MYO3B: variants seen among roughly 807,000 people sequenced by gnomAD.
MYO3B encodes myosin-IIIb.
In MYO3B, 156 loss-of-function variants were observed where a neutral mutation model predicts 174.6. The ratio of observed to expected loss-of-function variants is 0.89; its 90% confidence interval spans 0.78 to 1.02. The LOEUF is 1.02. MYO3B is among the 50% of genes least tolerant of loss of function. The pLI is 0.00. For missense variants in MYO3B, 1,632 were observed against 1,639.4 expected, an observed-to-expected ratio of 1.00 and a Z score of 0.08; for synonymous variants, 563 against 569.1, an observed-to-expected ratio of 0.99 and a Z score of 0.15.
At chr2:170,424,615 AAAG>A (rs993309309) in intron 22 of MYO3B, among the ~76,000 whole-genome samples, 1 of 152,216 alleles carries the variant, frequency 6.6e-6, no homozygotes, top group African/African-American at 2.4e-5. Flanking sequence ...CCTCAAAAAA[AAAG>A]AGAAAAAGAA....
chr2:170,435,801 CACCACTGGAACCCAGCTACAAGTCCTATA>C (rs2094749240), intron 22 of MYO3B, among the ~76,000 whole-genome samples: 1 of 152,210 alleles, frequency 6.6e-6, no homozygotes, highest in African/African-American at 2.4e-5. Flanking sequence ...CACCAACAAT[CACCACTGGAACCCAGCTACAAGTCCTATA>C]AACCCAGAGG....
chr2:170,494,727 C>CAAAAAA (rs3066990), intron 25 of MYO3B, among the ~76,000 whole-genome samples: 33 of 91,930 alleles, frequency 3.6e-4, no homozygotes, highest in Non-Finnish European at 5.2e-4. Context: ...AACTGCGTCT[C>CAAAAAA]AAAAAAAAAA....
intron 5 of MYO3B, among the ~76,000 whole-genome samples, chr2:170,215,459 T>A (rs1014740516): frequency 2.0e-5 from 3 of 152,190 alleles, no homozygotes; most frequent in African/African-American, 4.8e-5. Context: ...GTTTTTTTTT[T>A]AAGTTTATTG....
At chr2:170,243,583 G>A (rs974350947) in intron 7 of MYO3B, among the ~76,000 whole-genome samples, 20 of 152,174 alleles carry the variant, frequency 1.3e-4, no homozygotes, top group South Asian at 8.3e-4. Flanking sequence ...TTTGAGTAAT[G>A]TCGACCTCAT....
chr2:170,427,680 A>G (rs1033232380), intron 22 of MYO3B, among the ~76,000 whole-genome samples: 5 of 152,194 alleles, frequency 3.3e-5, no homozygotes, highest in Non-Finnish European at 7.4e-5. Context: ...TTAAGTTGCT[A>G]TAGTTTTTCC....
intron 6 of MYO3B, among the ~76,000 whole-genome samples, chr2:170,230,174 G>GTT (rs1175614525): frequency 3.1e-5 from 4 of 128,070 alleles, no homozygotes; most frequent in Non-Finnish European, 5.1e-5. Context: ...TTTTTTTTTT[G>GTT]TTTTTTTTTT....
At chr2:170,650,368 C>T (rs572810002) in intron 32 of MYO3B, among the ~76,000 whole-genome samples, 6 of 152,226 alleles carry the variant, frequency 3.9e-5, no homozygotes, top group Admixed American at 1.3e-4. Context: ...AAGTCACTCT[C>T]TACTTTAAAA....
chr2:170,401,803 T>TTTTTC (rs374080168), intron 18 of MYO3B, 112 bp downstream of exon 18: 56 of 363,354 alleles, frequency 1.5e-4, no homozygotes, highest in South Asian at 2.6e-4. Flanking sequence ...TTTCTTTTTC[T>TTTTTC]TTTTTTTTTT....
At chr2:170,391,291 C>T (rs991140794) in intron 14 of MYO3B, among the ~76,000 whole-genome samples, 3 of 152,144 alleles carry the variant, frequency 2.0e-5, no homozygotes, top group Admixed American at 6.5e-5. Context: ...CTGTAAATGT[C>T]CCATTCTCTG....
At chr2:170,520,500 TAC>T (rs933807402) in intron 30 of MYO3B, among the ~76,000 whole-genome samples, 3 of 151,386 alleles carry the variant, frequency 2.0e-5, no homozygotes, top group Non-Finnish European at 2.9e-5. Context: ...CACACATATA[TAC>T]ACACACACAC....
At chr2:170,624,328 T>G (rs957290464) in intron 32 of MYO3B, among the ~76,000 whole-genome samples, 3 of 152,204 alleles carry the variant, frequency 2.0e-5, no homozygotes, top group Admixed American at 6.5e-5. Context: ...TTATTCTCTT[T>G]GTAGGAATTG....
Position 170,259,183 on chromosome 2 carries a change from T to G in MYO3B, c.749+23047T>G, listed in dbSNP as rs554658409. 9.8e-5 allele frequency among the ~76,000 whole-genome samples: 15 copies of G among 152,294 alleles called. No individual in the cohort carries two copies. In the South Asian group the frequency reaches 2.9e-3, roughly 29 times the overall value. The stretch of plus-strand genomic sequence containing the variant: ...AACACTATTCCTATGAAACTACCGA[T>G]GTCATTTTTCATAGAATTATAAAAA... On this transcript the variant is annotated intron_variant, in intron 7 of 34. Coordinates refer to ENST00000408978, the MANE Select transcript of MYO3B (RefSeq NM_138995.5).
At chr2:170,312,902 T>C (rs1272107308) in intron 7 of MYO3B, among the ~76,000 whole-genome samples, 1 of 152,220 alleles carries the variant, frequency 6.6e-6, no homozygotes, top group Admixed American at 6.5e-5. Context: ...GATTTTCACC[T>C]ACATACCTGC....
intron 32 of MYO3B, among the ~76,000 whole-genome samples, chr2:170,649,083 A>C (rs1167792432): frequency 1.4e-5 from 1 of 72,448 alleles, no homozygotes; most frequent in African/African-American, 6.6e-5. Context: ...TTATATATAA[A>C]ATAATATATA....
chr2:170,347,367 TGAGGCA>T (rs1259548595), intron 8 of MYO3B, among the ~76,000 whole-genome samples: 1 of 152,144 alleles, frequency 6.6e-6, no homozygotes, highest in Non-Finnish European at 1.5e-5. Context: ...TTTGGTAGGC[TGAGGCA>T]GACAGATCAC....
intron 25 of MYO3B, 93 bp from the exon 26 acceptor site, chr2:170,498,499 A>G (rs1418780085): frequency 8.7e-6 from 7 of 807,524 alleles, no homozygotes; most frequent in Non-Finnish European, 1.4e-5. Context: ...ATTTACTATT[A>G]AAAAACAAGG....
At chr2:170,632,715 A>G (rs1181080682) in intron 32 of MYO3B, among the ~76,000 whole-genome samples, 2 of 152,220 alleles carry the variant, frequency 1.3e-5, no homozygotes, top group Non-Finnish European at 2.9e-5. Flanking sequence ...TGAAAAGATC[A>G]ATAAGATTGA....
At chr2:170,234,186 AAC>A (rs1559322024) in intron 6 of MYO3B, among the ~76,000 whole-genome samples, 3,956 of 40,156 alleles carry the variant, frequency 0.099, 429 homozygotes, top group African/African-American at 0.31. Context: ...AAAAAAAAAA[AAC>A]AAAACAAAAC....
chr2:170,213,767 G>T (rs1367623715), intron 3 of MYO3B, among the ~76,000 whole-genome samples: 4 of 152,176 alleles, frequency 2.6e-5, no homozygotes, highest in African/African-American at 9.7e-5. Flanking sequence ...GCATAAAGTT[G>T]CTGAGAGCCT....
Sources: gnomAD v4.1 joint callset for allele counts (sites outside exome capture counted in the v4.1 genomes callset) on GRCh38, gnomAD v4.1.1 for gene constraint, MANE v1.5 for transcripts, NCBI Gene and HGNC (gene_info 2026-07-23, HGNC 2026-07-21) for gene names.